The following WDR70 variants were observed in gnomAD, a reference collection of about 807,000 sequenced individuals.
The protein encoded by WDR70 is WD repeat domain 70, also known as WD repeat-containing protein 70.
In WDR70, 53 loss-of-function variants were observed where a neutral mutation model predicts 88.6. The observed-to-expected ratio is 0.60, with a 90% confidence interval of 0.48 to 0.75. The LOEUF (loss-of-function observed/expected upper bound fraction) is 0.75, where lower values mean the gene tolerates loss of function less well. Ranked by LOEUF, WDR70 falls within the 30% of genes least tolerant of loss-of-function variation. WDR70 has a pLI of 0.00. For synonymous variants in WDR70, 280 were observed against 270.0 expected (o/e 1.04, Z -0.36); for missense variants, 610 against 823.2 (o/e 0.74, Z 3.17).
chr5:37,649,002 G>A (rs1208649001), intron 10 of WDR70, among the ~76,000 whole-genome samples: 2 of 152,168 alleles, frequency 1.3e-5, no homozygotes, highest in African/African-American at 4.8e-5. Flanking sequence ...AAGCTAAAAA[G>A]TGTTAATTCT....
At chr5:37,399,855 A>T (rs762367621) in intron 5 of WDR70, among the ~76,000 whole-genome samples, 8 of 152,146 alleles carry the variant, frequency 5.3e-5, no homozygotes, top group African/African-American at 1.2e-4. Flanking sequence ...GTGTTTGTGC[A>T]TGTGTGTGGT....
chr5:37,737,941 A>G (rs1011606308), intron 17 of WDR70, among the ~76,000 whole-genome samples: 3 of 151,350 alleles, frequency 2.0e-5, no homozygotes, highest in African/African-American at 4.9e-5. Flanking sequence ...AGATGTGTTT[A>G]TTTTCTAAAA....
intron 10 of WDR70, 80 bp downstream of exon 10, chr5:37,605,318 T>TA (rs1744006496): frequency 7.0e-7 from 1 of 1,429,818 alleles, no homozygotes; most frequent in African/African-American, 1.4e-5. Flanking sequence ...ACAAACGTGT[T>TA]AAAGTATTAT....
At chr5:37,460,511 A>G (rs1052373565) in intron 7 of WDR70, among the ~76,000 whole-genome samples, 1 of 67,540 alleles carries the variant, frequency 1.5e-5, no homozygotes, top group African/African-American at 4.6e-5. Flanking sequence ...GGACACAGGA[A>G]GGGGAATATC....
intron 7 of WDR70, among the ~76,000 whole-genome samples, chr5:37,447,272 A>G (rs908362113): frequency 1.3e-5 from 2 of 152,204 alleles, no homozygotes; most frequent in Non-Finnish European, 2.9e-5. Flanking sequence ...GGTGATCATT[A>G]CAAAGTCAGG....
intron 9 of WDR70, among the ~76,000 whole-genome samples, chr5:37,535,837 G>A (rs1741650081): frequency 6.6e-6 from 1 of 152,130 alleles, no homozygotes; most frequent in Non-Finnish European, 1.5e-5. Context: ...TTTTTCCCAA[G>A]GACACATAAT....
At chr5:37,693,066 C>T (rs539740223) in intron 10 of WDR70, among the ~76,000 whole-genome samples, 4 of 148,960 alleles carry the variant, frequency 2.7e-5, no homozygotes, top group Non-Finnish European at 5.9e-5. Flanking sequence ...TTCCTATACA[C>T]CAATAACAGA....
At chr5:37,729,581 A>G (rs1408758646) in intron 17 of WDR70, among the ~76,000 whole-genome samples, 1 of 152,196 alleles carries the variant, frequency 6.6e-6, no homozygotes, top group East Asian at 1.9e-4. Flanking sequence ...TTGCTAACTC[A>G]TATCCCTGTA....
intron 10 of WDR70, among the ~76,000 whole-genome samples, chr5:37,628,911 C>T (rs1294613252): frequency 1.3e-5 from 2 of 152,144 alleles, no homozygotes; most frequent in Admixed American, 6.5e-5. Context: ...GTTGTCTTTT[C>T]ACTTCCAGAT....
At chr5:37,564,489 T>C (rs1473110194) in intron 9 of WDR70, among the ~76,000 whole-genome samples, 1 of 150,418 alleles carries the variant, frequency 6.6e-6, no homozygotes, top group African/African-American at 2.4e-5. Context: ...ACAGTCCAGC[T>C]TTGGGTCGGC....
At chr5:37,699,331 TAC>T (rs67566263) in intron 11 of WDR70, among the ~76,000 whole-genome samples, 13,952 of 141,372 alleles carry the variant, frequency 0.099, 824 homozygotes, top group African/African-American at 0.16. Context: ...CTTTCCATCA[TAC>T]ACACACACAC....
chr5:37,607,966 G>C (rs1010552308), intron 10 of WDR70, among the ~76,000 whole-genome samples: 1 of 152,048 alleles, frequency 6.6e-6, no homozygotes, highest in African/African-American at 2.4e-5. Context: ...AAGAATAGTG[G>C]GAGATGACAT....
intron 8 of WDR70, among the ~76,000 whole-genome samples, chr5:37,504,995 T>C (rs1373584129): frequency 2.0e-5 from 3 of 152,168 alleles, no homozygotes; most frequent in Non-Finnish European, 4.4e-5. Flanking sequence ...ACCCAAAAAA[T>C]ATAAGTAAAA....
intron 5 of WDR70, among the ~76,000 whole-genome samples, chr5:37,404,748 C>G (rs1749301866): frequency 6.6e-6 from 1 of 152,006 alleles, no homozygotes; most frequent in Non-Finnish European, 1.5e-5. Flanking sequence ...TGTTCCTTCT[C>G]TAAGTTATTG....
intron 10 of WDR70, among the ~76,000 whole-genome samples, chr5:37,681,710 G>A (rs1007647965): frequency 6.6e-6 from 1 of 152,118 alleles, no homozygotes; most frequent in Non-Finnish European, 1.5e-5. Flanking sequence ...GTTTAGTTCT[G>A]TTTATGTCAT....
intron 8 of WDR70, among the ~76,000 whole-genome samples, chr5:37,502,712 G>A (rs1197156541): frequency 6.6e-6 from 1 of 152,212 alleles, no homozygotes. Flanking sequence ...AGGAAGCATG[G>A]CACCAGCATC....
intron 5 of WDR70, among the ~76,000 whole-genome samples, chr5:37,419,298 G>A (rs1392614671): frequency 1.3e-5 from 2 of 148,790 alleles, no homozygotes; most frequent in East Asian, 4.2e-4. Context: ...CTTCCGTCCT[G>A]GGGTTCAAGC....
At chr5:37,491,288 A>G (rs1421490108) in intron 8 of WDR70, among the ~76,000 whole-genome samples, 1 of 152,028 alleles carries the variant, frequency 6.6e-6, no homozygotes, top group African/African-American at 2.4e-5. Context: ...TTGATGCTGT[A>G]TTTGAAGTGT....
chr5:37,581,375 T>A (rs1032322457), intron 9 of WDR70, among the ~76,000 whole-genome samples: 2 of 152,216 alleles, frequency 1.3e-5, no homozygotes, highest in Non-Finnish European at 2.9e-5. Flanking sequence ...CTATAAAGTA[T>A]TTCCCATTAG....
Sources: gnomAD v4.1 joint callset for allele counts (sites outside exome capture counted in the v4.1 genomes callset) on GRCh38, gnomAD v4.1.1 for gene constraint, MANE v1.5 for transcripts, NCBI Gene and HGNC (gene_info 2026-07-23, HGNC 2026-07-21) for gene names.